Variants in ULK4 observed in about 807,000 individuals in gnomAD.
ULK4 encodes the protein inactive serine/threonine-protein kinase ULK4.
A neutral mutation model predicts 160.6 loss-of-function variants in ULK4; 133 were observed. That is an observed-to-expected ratio of 0.83 (90% CI 0.72 to 0.96). The LOEUF is 0.96. Ranked by LOEUF, ULK4 falls within the 40% of genes least tolerant of loss-of-function variation. The pLI is 0.00. For missense variants in ULK4, 1,580 were observed against 1,499.5 expected, an observed-to-expected ratio of 1.05 and a Z score of -0.89; for synonymous variants, 534 against 539.8, an observed-to-expected ratio of 0.99 and a Z score of 0.15.
chr3:41,856,332 A>G (rs1017101765), intron 17 of ULK4, among the ~76,000 whole-genome samples: 1 of 151,518 alleles, frequency 6.6e-6, no homozygotes, highest in African/African-American at 2.4e-5. Flanking sequence ...GATTTAAATG[A>G]TATGTCTAAG....
chr3:41,691,392 C>G (rs2036292377), intron 27 of ULK4, among the ~76,000 whole-genome samples: 1 of 151,854 alleles, frequency 6.6e-6, no homozygotes, highest in South Asian at 2.1e-4. Flanking sequence ...TGGCCCTCTT[C>G]CAACTGTACT....
chr3:41,731,412 A>G (rs1308345026), intron 22 of ULK4, among the ~76,000 whole-genome samples: 3 of 152,082 alleles, frequency 2.0e-5, no homozygotes, highest in Non-Finnish European at 4.4e-5. Flanking sequence ...TTCTCTTAAT[A>G]TGTTTAGTCA....
intron 22 of ULK4, among the ~76,000 whole-genome samples, chr3:41,734,261 A>T (rs767558782): frequency 5.3e-5 from 8 of 152,174 alleles, no homozygotes; most frequent in Non-Finnish European, 8.8e-5. Flanking sequence ...TGAATGAATA[A>T]GAAAAAAATA....
intron 35 of ULK4, among the ~76,000 whole-genome samples, chr3:41,331,853 A>G (rs1298892141): frequency 6.6e-6 from 1 of 152,224 alleles, no homozygotes; most frequent in African/African-American, 2.4e-5. Flanking sequence ...TGCCTTATAA[A>G]CAGCAGGTGA....
intron 35 of ULK4, among the ~76,000 whole-genome samples, chr3:41,303,711 C>T (rs189455709): frequency 1.9e-3 from 288 of 152,256 alleles, no homozygotes; most frequent in Middle Eastern, 0.017. Context: ...TTCCTTCTGA[C>T]ATGCTCAAGT....
chr3:41,641,468 G>T (rs1575514976), intron 30 of ULK4, among the ~76,000 whole-genome samples: 4 of 152,258 alleles, frequency 2.6e-5, no homozygotes, highest in Middle Eastern at 3.4e-3. Flanking sequence ...AGGCCAAGGT[G>T]GGAGGATCAC....
At chr3:41,844,364 C>T (rs184959704) in intron 17 of ULK4, among the ~76,000 whole-genome samples, 60 of 152,276 alleles carry the variant, frequency 3.9e-4, no homozygotes, top group African/African-American at 1.3e-3. Context: ...CGCCGGTGGG[C>T]CGGCACTGCT....
At chr3:41,684,121 T>C (rs965390763) in intron 27 of ULK4, among the ~76,000 whole-genome samples, 6 of 152,218 alleles carry the variant, frequency 3.9e-5, no homozygotes, top group South Asian at 2.1e-4. Context: ...GACTTTCTCT[T>C]GTAATGCAGC....
intron 32 of ULK4, among the ~76,000 whole-genome samples, chr3:41,539,286 A>T (rs961892532): frequency 1.3e-5 from 2 of 152,166 alleles, no homozygotes; most frequent in African/African-American, 4.8e-5. Context: ...TACACAAATG[A>T]ATGGACATGT....
At chr3:41,605,649 A>G (rs1017870139) in intron 31 of ULK4, among the ~76,000 whole-genome samples, 8 of 152,004 alleles carry the variant, frequency 5.3e-5, no homozygotes, top group African/African-American at 1.7e-4. Context: ...CCACACTTAC[A>G]ATACGAGAGT....
At chr3:41,508,190 C>A (rs530686523) in intron 32 of ULK4, among the ~76,000 whole-genome samples, 1 of 152,106 alleles carries the variant, frequency 6.6e-6, no homozygotes, top group Non-Finnish European at 1.5e-5. Flanking sequence ...TGGTGACCTG[C>A]GTGACTCAGC....
intron 29 of ULK4, among the ~76,000 whole-genome samples, chr3:41,674,886 C>T (rs2035657572): frequency 6.6e-6 from 1 of 152,062 alleles, no homozygotes; most frequent in Admixed American, 6.5e-5. Context: ...AGTAATTGCC[C>T]CCCAAAAGGT....
At chr3:41,671,291 T>A (rs1387773472) in intron 29 of ULK4, among the ~76,000 whole-genome samples, 1 of 152,100 alleles carries the variant, frequency 6.6e-6, no homozygotes, top group Non-Finnish European at 1.5e-5. Flanking sequence ...AAAGCAATCC[T>A]GAGCAAAAAG....
intron 31 of ULK4, among the ~76,000 whole-genome samples, chr3:41,607,374 C>T (rs1180814978): frequency 1.3e-5 from 2 of 152,016 alleles, no homozygotes; most frequent in Admixed American, 1.3e-4. Context: ...TGCTAGGAAA[C>T]ACATAAGCTT....
chr3:41,789,716 A>C lies in ULK4; in HGVS notation c.2138T>G (p.Leu713Ter). 2 of 1,612,474 alleles carry C rather than the reference A, an allele frequency of 1.2e-6. No homozygotes were observed. The highest frequency in any genetic ancestry group is 2.2e-5 in the East Asian group (1 of 44,700). The change falls in exon 21 of 37, where the codon TTA becomes TGA. Residue 713 changes from leucine to a stop codon, truncating the protein, a stop_gained. Coordinates refer to ENST00000301831, the MANE Select transcript of ULK4 (RefSeq NM_017886.4). LOFTEE classifies it high-confidence loss of function. Reference protein sequence around the residue: ...ICKVQQYMLTLFAAMLSCGIH... With the variant: ...ICKVQQYMLT Reference sequence around the variant, plus strand: ...CCCACAGGACAACATGGCAGCGAATAAGGTCAACATGTACTGCTGAACTTT... The same window carrying C: ...CCCACAGGACAACATGGCAGCGAATCAGGTCAACATGTACTGCTGAACTTT...
At chr3:41,318,211 T>C (rs895196384) in intron 35 of ULK4, among the ~76,000 whole-genome samples, 13 of 152,154 alleles carry the variant, frequency 8.5e-5, no homozygotes, top group Non-Finnish European at 1.9e-4. Context: ...AAATAAATAG[T>C]AATAGATGGC....
intron 32 of ULK4, among the ~76,000 whole-genome samples, chr3:41,556,730 G>A (rs779395475): frequency 1.4e-4 from 22 of 151,794 alleles, no homozygotes; most frequent in East Asian, 3.9e-4. Flanking sequence ...CTCGTAATCC[G>A]CCCACCTCAG....
At chr3:41,830,223 C>A (rs2041529138) in intron 18 of ULK4, among the ~76,000 whole-genome samples, 1 of 151,882 alleles carries the variant, frequency 6.6e-6, no homozygotes, top group Non-Finnish European at 1.5e-5. Context: ...GTGCAGCACA[C>A]CAACATGACA....
chr3:41,446,372 C>G lies in ULK4; in HGVS notation c.3492+9125G>C, dbSNP rs540096943. On this transcript the variant is annotated intron_variant, in intron 34 of 36. Transcript: ENST00000301831. ...ACCATTTGACCCAGCCATCCCTTTA[C>G]TGGGTATATACCCAAAGGATTATAA... is the stretch of plus-strand genomic sequence containing the variant. Among the ~76,000 whole-genome samples, 3 of 152,150 alleles carry G rather than the reference C, an allele frequency of 2.0e-5. No homozygotes were observed. In the East Asian group the frequency reaches 5.8e-4, roughly 30 times the overall value.
Sources: allele counts gnomAD v4.1 joint callset (sites outside exome capture counted in the v4.1 genomes callset), GRCh38; gene constraint gnomAD v4.1.1; transcripts MANE v1.5; gene names NCBI Gene and HGNC (gene_info 2026-07-23, HGNC 2026-07-21).